PDE5A: variants seen among roughly 807,000 people sequenced by gnomAD.
PDE5A encodes phosphodiesterase 5A.
Under a neutral mutation model 110.2 loss-of-function variants are expected in PDE5A, and 67 were observed. The observed-to-expected ratio is 0.61, with a 90% CI of 0.50 to 0.75. The LOEUF (loss-of-function observed/expected upper bound fraction) is 0.75, where lower values mean the gene tolerates loss of function less well. Ranked by LOEUF, PDE5A falls within the 30% of genes least tolerant of loss-of-function variation. The pLI, the probability that PDE5A is intolerant of heterozygous loss-of-function variation, is 0.00. For synonymous variants in PDE5A, 328 were observed against 351.2 expected, an observed-to-expected ratio of 0.93 and a Z score of 0.74; for missense variants, 862 against 1,045.1, an observed-to-expected ratio of 0.82 and a Z score of 2.42.
chr4:119,509,847 G>C (rs992122827), intron 15 of PDE5A, among the ~76,000 whole-genome samples: 6 of 152,026 alleles, frequency 3.9e-5, no homozygotes, highest in Non-Finnish European at 7.4e-5. Flanking sequence ...GTAAGAGAGA[G>C]GGGTGTGGAG....
chr4:119,531,216 C>A (rs1235752563), intron 11 of PDE5A, among the ~76,000 whole-genome samples: 1 of 152,054 alleles, frequency 6.6e-6, no homozygotes, highest in Non-Finnish European at 1.5e-5. Context: ...CATATTTTCC[C>A]CCAGTAAGCT....
intron 3 of PDE5A, among the ~76,000 whole-genome samples, chr4:119,574,897 T>C (rs1019351671): frequency 1.3e-5 from 2 of 152,240 alleles, no homozygotes; most frequent in Non-Finnish European, 2.9e-5. Flanking sequence ...GAATTAGTTA[T>C]ACAGATATAT....
At chr4:119,625,405 T>C (rs1224351785) in intron 1 of PDE5A, among the ~76,000 whole-genome samples, 4 of 152,152 alleles carry the variant, frequency 2.6e-5, no homozygotes, top group Admixed American at 2.6e-4. Context: ...AATTCACAGG[T>C]GTTTGAGAAT....
intron 3 of PDE5A, among the ~76,000 whole-genome samples, chr4:119,577,576 T>C (rs1427985158): frequency 1.3e-5 from 2 of 152,162 alleles, no homozygotes; most frequent in Non-Finnish European, 2.9e-5. Flanking sequence ...ACAGAACCAA[T>C]GACAAAAACC....
In PDE5A at chr4:119,502,560, CCAA is replaced by C; in HGVS notation, c.2406+18_2406+20del. ...AAAAAAACAATTTGAATAATTCCTA[CCAA>C]CAAGGTTTCATACTTACAGTGGGTT... On this transcript the variant is annotated intron_variant, in intron 19 of 20. Transcript: ENST00000354960. The C allele has an allele frequency of 1.4e-6, 2 of 1,408,800 alleles. No individual in the cohort carries two copies. Among genetic ancestry groups the C allele is most frequent in the Non-Finnish European group, 2.0e-6 (2 of 1,008,534 alleles). The allele number at this position is 1,408,800 out of a possible 1,614,324, so 87.3% of individuals were successfully genotyped here. A position where few individuals can be genotyped will look rare whatever the true frequency, so the allele number is the denominator to read the frequency against.
At position 119,496,763 on chromosome 4, in the gene PDE5A, G is replaced by C. The variant is rs200575808; in HGVS notation, c.*1838C>G. The stretch of plus-strand genomic sequence containing the variant: ...ATAACTATTATTTTAGTGATAGTCT[G>C]TGTATTTTACACACCAGTGCCACAA... On this transcript the variant is annotated 3_prime_UTR_variant, in exon 21 of 21. Coordinates refer to ENST00000354960, the MANE Select transcript of PDE5A (RefSeq NM_001083.4). The C allele has an allele frequency of 1.3e-5, 2 of 152,446 alleles. No individual in the cohort carries two copies. Among genetic ancestry groups the C allele is most frequent in the Middle Eastern group, 3.2e-3 (1 of 316 alleles). The allele number at this position is 152,446 out of a possible 1,614,324, so 9.4% of individuals were successfully genotyped here. A position where few individuals can be genotyped will look rare whatever the true frequency, so the allele number is the denominator to read the frequency against.
At chr4:119,511,372 C>T (rs3775846) in intron 14 of PDE5A, among the ~76,000 whole-genome samples, 15,582 of 151,958 alleles carry the variant, frequency 0.1, 1,029 homozygotes, top group Non-Finnish European at 0.15. Context: ...TGAACAATTT[C>T]ATTGGTTTTA....
chr4:119,619,956 G>C (rs1730083622), intron 1 of PDE5A, among the ~76,000 whole-genome samples: 1 of 152,150 alleles, frequency 6.6e-6, no homozygotes, highest in South Asian at 2.1e-4. Context: ...TCCTAATCAA[G>C]TAGTGGTGCC....
intron 9 of PDE5A, chr4:119,548,072 G>A (rs576807996): frequency 3.0e-5 from 3 of 98,658 alleles, no homozygotes; most frequent in South Asian, 3.5e-4. Context: ...TTTTTGAGAC[G>A]GAGTCCCGCT....
chr4:119,593,862 A>T (rs1729064524), intron 3 of PDE5A, among the ~76,000 whole-genome samples: 1 of 152,158 alleles, frequency 6.6e-6, no homozygotes, highest in Non-Finnish European at 1.5e-5. Context: ...CAATCATGGC[A>T]GAAGGCAAAG....
chr4:119,591,335 C>T (rs1728959827), intron 3 of PDE5A, among the ~76,000 whole-genome samples: 1 of 152,196 alleles, frequency 6.6e-6, no homozygotes, highest in African/African-American at 2.4e-5. Context: ...ATTTAATCTT[C>T]CCAATAACCC....
At chr4:119,520,164 C>A (rs1268770212) in intron 13 of PDE5A, among the ~76,000 whole-genome samples, 1 of 152,050 alleles carries the variant, frequency 6.6e-6, no homozygotes, top group Non-Finnish European at 1.5e-5. Flanking sequence ...ACAATCACTT[C>A]TTTTAGATTT....
At chr4:119,524,947 A>G (rs1469353664) in intron 12 of PDE5A, among the ~76,000 whole-genome samples, 1 of 152,102 alleles carries the variant, frequency 6.6e-6, no homozygotes, top group African/African-American at 2.4e-5. Context: ...AACAGAGGTT[A>G]AAATCAGTTT....
rs780491967 is a variant in PDE5A, at chr4:119,628,738, CAGA to C, written c.-70_-68del. ...TCCACCCCAGCTGGGGTCCGTCCCT[CAGA>C]AGAACAGGACTCGGCCTCGAGACCC... On this transcript the variant is annotated 5_prime_UTR_variant, in exon 1 of 21. Coordinates refer to ENST00000354960, the MANE Select transcript of PDE5A (RefSeq NM_001083.4). 1.1e-5 allele frequency: 17 copies of C among 1,586,928 alleles called. No homozygotes were observed. Among genetic ancestry groups the C allele is most frequent in the South Asian group, 3.4e-5 (3 of 89,524 alleles).
chr4:119,628,643 T>C lies in PDE5A; in HGVS notation c.29A>G (p.Gln10Arg), dbSNP rs1296932706. Reference sequence around the variant, plus strand: ...CTGGGGCTGCTGCTGCTGTCGCTGCTGCCCGAAGCTGGGGCCGGCCCGCTC... The same window carrying C: ...CTGGGGCTGCTGCTGCTGTCGCTGCCGCCCGAAGCTGGGGCCGGCCCGCTC... MERAGPSFG[Q>R]QRQQQQPQQQ... The change falls in exon 1 of 21, where the codon CAG becomes CGG. Residue 10 changes from glutamine (Q) to arginine (R), a missense_variant. Transcript: ENST00000354960. 1 of 1,613,624 alleles carries C rather than the reference T, an allele frequency of 6.2e-7. No homozygotes were observed. The highest frequency in any genetic ancestry group is 8.5e-7 in the Non-Finnish European group (1 of 1,179,978).
chr4:119,625,874 A>G (rs1325146412), intron 1 of PDE5A, among the ~76,000 whole-genome samples: 1 of 152,208 alleles, frequency 6.6e-6, no homozygotes, highest in African/African-American at 2.4e-5. Flanking sequence ...TCTCCTGTTA[A>G]TGCCACCAAA....
intron 11 of PDE5A, among the ~76,000 whole-genome samples, chr4:119,526,176 T>A (rs942552078): frequency 6.6e-6 from 1 of 152,168 alleles, no homozygotes; most frequent in Non-Finnish European, 1.5e-5. Flanking sequence ...AGCTCCATTT[T>A]TCAAGTACAG....
chr4:119,587,147 G>A (rs193124676), intron 3 of PDE5A, among the ~76,000 whole-genome samples: 251 of 151,904 alleles, frequency 1.7e-3, no homozygotes, highest in African/African-American at 5.6e-3. Flanking sequence ...GAAACTCTGC[G>A]CAGCACTTTT....
At chr4:119,517,331 G>A (rs1329922770) in intron 14 of PDE5A, among the ~76,000 whole-genome samples, 1 of 151,822 alleles carries the variant, frequency 6.6e-6, no homozygotes, top group Non-Finnish European at 1.5e-5. Flanking sequence ...GAATATTTAT[G>A]GTACTCATAG....
Sources: allele counts gnomAD v4.1 joint callset (sites outside exome capture counted in the v4.1 genomes callset), GRCh38; gene constraint gnomAD v4.1.1; transcripts MANE v1.5; gene names NCBI Gene and HGNC (gene_info 2026-07-23, HGNC 2026-07-21).